The following SLC12A4 variants were observed in gnomAD, a reference collection of about 807,000 sequenced individuals.
SLC12A4 encodes the protein electroneutral potassium-chloride cotransporter 1.
A neutral mutation model predicts 119.2 loss-of-function variants in SLC12A4; 84 were observed. That is an observed-to-expected ratio of 0.70 (90% CI 0.59 to 0.85). SLC12A4 has a LOEUF of 0.85. SLC12A4 is among the 40% of genes least tolerant of loss of function. The pLI, the probability that SLC12A4 is intolerant of heterozygous loss-of-function variation, is 0.00. For missense variants in SLC12A4, 1,298 were observed against 1,476.3 expected (o/e 0.88, Z 1.98); for synonymous variants, 599 against 604.6 (o/e 0.99, Z 0.14).
Position 67,945,408 on chromosome 16 carries a change from T to C in SLC12A4, c.2993A>G (p.His998Arg), listed in dbSNP as rs2058331865. 9 of 1,613,918 alleles carry C rather than the reference T, an allele frequency of 5.6e-6. No homozygotes were observed. The highest frequency in any genetic ancestry group is 2.7e-5 in the African/African-American group (2 of 74,930). Reference sequence around the variant, plus strand: ...CAGCTCCCGGAAATTGTCAGGGGCATGGCTGGGGTCCCAGGTCTCAGTCAT... The same window carrying C: ...CAGCTCCCGGAAATTGTCAGGGGCACGGCTGGGGTCCCAGGTCTCAGTCAT... ...KYMTETWDPS[H>R]APDNFRELVH... Residue 998 changes from histidine (H) to arginine (R), a missense_variant, in exon 22 of 24, where the codon CAT (histidine) becomes CGT (arginine). His to Arg is a conservative substitution (Grantham distance 29, BLOSUM62 0). Coordinates refer to ENST00000316341, the MANE Select transcript of SLC12A4 (RefSeq NM_005072.5).
At chr16:67,966,861 G>C (rs1005399691) in intron 1 of SLC12A4, 3 of 1,537,488 alleles carry the variant, frequency 2.0e-6, no homozygotes, top group East Asian at 2.5e-5. Context: ...CCTAGCTTGC[G>C]GGGATCTAGC....
At chr16:67,961,962 G>A (rs937892488) in intron 2 of SLC12A4, among the ~76,000 whole-genome samples, 1 of 152,208 alleles carries the variant, frequency 6.6e-6, no homozygotes, top group Non-Finnish European at 1.5e-5. Flanking sequence ...CAGCCCATTT[G>A]TGAAAACCAC....
Position 67,950,107 on chromosome 16 carries a change from C to A in SLC12A4, c.1630-189G>T, listed in dbSNP as rs2058396739. ...CAGGCCTCTCTCCTTTGGATGAGCC[C>A]TAAACAGGCCATGAAGATTCTGGGT... is the stretch of plus-strand genomic sequence containing the variant. On this transcript the variant is annotated intron_variant, in intron 12 of 23. Coordinates refer to ENST00000316341, the MANE Select transcript of SLC12A4 (RefSeq NM_005072.5). This position sits in a 1 kb window ranked among gnomAD's most constrained non-coding sequence, Gnocchi z 4.3. 1.5e-6 allele frequency: 1 copy of A among 685,088 alleles called. No homozygotes were observed. The highest frequency in any genetic ancestry group is 1.9e-5 in the South Asian group (1 of 52,988). 42.4% of individuals were successfully genotyped at this position (685,088 alleles called of 1,614,324 possible).
At position 67,950,835 on chromosome 16, in the gene SLC12A4, C is replaced by T. The variant is rs1048040933; in HGVS notation, c.1397-124G>A. 1.4e-6 allele frequency: 2 copies of T among 1,425,596 alleles called. No homozygotes were observed. The allele number at this position is 1,425,596 out of a possible 1,614,324, so 88.3% of individuals were successfully genotyped here. A position where few individuals can be genotyped will look rare whatever the true frequency, so the allele number is the denominator to read the frequency against. On this transcript the variant is annotated intron_variant, in intron 10 of 23. Transcript: ENST00000316341. This position sits in a 1 kb window ranked among gnomAD's most constrained non-coding sequence, Gnocchi z 4.3. Reference sequence around the variant, plus strand: ...CTGGGAGTCTCGTGGTGTGTATGTGCATGTGTGCATGAGAAGGGGAGCTAT... The same window carrying T: ...CTGGGAGTCTCGTGGTGTGTATGTGTATGTGTGCATGAGAAGGGGAGCTAT...
intron 1 of SLC12A4, 68 bp downstream of exon 1, chr16:67,968,371 G>T (rs1378331023): frequency 1.4e-6 from 2 of 1,383,670 alleles, no homozygotes; most frequent in Non-Finnish European, 1.9e-6. Context: ...GCGGGCGCGG[G>T]CCCGGGATGG....
chr16:67,959,164 G>C (rs751665523), intron 3 of SLC12A4, among the ~76,000 whole-genome samples: 7 of 152,294 alleles, frequency 4.6e-5, no homozygotes, highest in Admixed American at 4.6e-4. Context: ...ATCCAGGCAG[G>C]CTTTCTCAAC....
At position 67,944,318 on chromosome 16, in the gene SLC12A4, C is replaced by T. The variant is rs774812621; in HGVS notation, c.*522G>A. ...GGCGCCAGGGGAAACAGAGCCGGGG[C>T]AGCAGGAGGCCCAGAACTACACAAT... On this transcript the variant is annotated 3_prime_UTR_variant, in exon 24 of 24. Transcript: ENST00000316341. This position sits in a 1 kb window ranked among gnomAD's most constrained non-coding sequence, Gnocchi z 6.6. The T allele has an allele frequency of 3.6e-6, 5 of 1,406,130 alleles. No individual in the cohort carries two copies. Among genetic ancestry groups the T allele is most frequent in the Non-Finnish European group, 3.7e-6 (4 of 1,082,022 alleles). 87.1% of individuals were successfully genotyped at this position (1,406,130 alleles called of 1,614,324 possible).
rs964527758 is a variant in SLC12A4, at chr16:67,944,812, G to A, written c.*28C>T. ...CTTGTTATGTCCTGGCCAAGACCTCGACTCCAGGCCACAAGATGACACTGG... is the reference window on the plus strand; with the variant it reads ...CTTGTTATGTCCTGGCCAAGACCTCAACTCCAGGCCACAAGATGACACTGG... On this transcript the variant is annotated 3_prime_UTR_variant, in exon 24 of 24. Transcript: ENST00000316341. This position sits in a 1 kb window ranked among gnomAD's most constrained non-coding sequence, Gnocchi z 6.6. The A allele has an allele frequency of 1.7e-5, 28 of 1,610,432 alleles. No homozygotes were observed. Among genetic ancestry groups the A allele is most frequent in the African/African-American group, 9.4e-5 (7 of 74,852 alleles).
intron 5 of SLC12A4, among the ~76,000 whole-genome samples, chr16:67,955,722 A>C (rs2030221170): frequency 6.6e-6 from 1 of 152,108 alleles, no homozygotes; most frequent in Admixed American, 6.5e-5. Context: ...CTCTACTAAA[A>C]TACAAAATTA....
In SLC12A4 at chr16:67,944,980, C is replaced by T. The variant is rs529528559; in HGVS notation, c.3167-49G>A. 1.5e-5 allele frequency: 24 copies of T among 1,611,820 alleles called. No homozygotes were observed. The highest frequency in any genetic ancestry group is 5.0e-5 in the Admixed American group (3 of 59,962). On this transcript the variant is annotated intron_variant, in intron 23 of 23. Coordinates refer to ENST00000316341, the MANE Select transcript of SLC12A4 (RefSeq NM_005072.5). The surrounding 1 kb of genome is among the most constrained non-coding windows in gnomAD (Gnocchi z 6.6). The stretch of plus-strand genomic sequence containing the variant: ...GCAACAACAGAATCAACGGGCAACC[C>T]GGGCCACCTGGGCCATGCCCACCCA...
chr16:67,947,145 G>C (rs767875438), intron 16 of SLC12A4, 40 bp from the exon 17 acceptor site: 2 of 1,547,952 alleles, frequency 1.3e-6, no homozygotes, highest in Non-Finnish European at 1.7e-6. Flanking sequence ...ACCAGGGCCG[G>C]CCGTTCTAGG....
At chr16:67,947,940 G>T in intron 14 of SLC12A4, 121 bp downstream of exon 14, 1 of 1,463,814 alleles carries the variant, frequency 6.8e-7, no homozygotes, top group Non-Finnish European at 9.5e-7. Flanking sequence ...CCAGTCCCCC[G>T]CAGCCCTATA....
chr16:67,957,410 C>CATTAAAA, intron 5 of SLC12A4: 1 of 260,762 alleles, frequency 3.8e-6, no homozygotes, highest in South Asian at 4.3e-5. Context: ...CCCTTGTGAT[C>CATTAAAA]CACCCACCTC....
chr16:67,946,162 C>A lies in SLC12A4; in HGVS notation c.2607+9G>T. On this transcript the variant is annotated intron_variant, in intron 19 of 23. Coordinates refer to ENST00000316341, the MANE Select transcript of SLC12A4 (RefSeq NM_005072.5). ...AGCCCCTCTCATCTGCACCCACCCCCTGGTCTACCTTATGCTGGCGCAGCA... is the reference window on the plus strand; with the variant it reads ...AGCCCCTCTCATCTGCACCCACCCCATGGTCTACCTTATGCTGGCGCAGCA... The A allele has an allele frequency of 6.2e-7, 1 of 1,613,846 alleles. No individual in the cohort carries two copies. The highest frequency in any genetic ancestry group is 8.5e-7 in the Non-Finnish European group (1 of 1,179,942).
In SLC12A4 at chr16:67,951,697, T is replaced by TG. The variant is rs910678063; in HGVS notation, c.1132+125dup. 3.5e-6 allele frequency: 3 copies of TG among 867,972 alleles called. No homozygotes were observed. Among genetic ancestry groups the TG allele is most frequent in the Non-Finnish European group, 5.3e-6 (3 of 562,356 alleles). The allele number at this position is 867,972 out of a possible 1,614,324, so 53.8% of individuals were successfully genotyped here. A position where few individuals can be genotyped will look rare whatever the true frequency, so the allele number is the denominator to read the frequency against. On this transcript the variant is annotated intron_variant, in intron 8 of 23. Transcript: ENST00000316341. This position sits in a 1 kb window ranked among gnomAD's most constrained non-coding sequence, Gnocchi z 5.2. ...GCCAGGAGCCAGGCTGGGAGGACAC[T>TG]GGGGGGCTGGGAAGGCGGCCAGTCC...
intron 2 of SLC12A4, chr16:67,962,604 G>A (rs1301183769): frequency 6.6e-6 from 1 of 152,272 alleles, no homozygotes; most frequent in African/African-American, 2.4e-5. Context: ...CACTTTGAGA[G>A]GCTGAGCAGG....
intron 3 of SLC12A4, 35 bp downstream of exon 3, chr16:67,961,540 C>G: frequency 6.2e-7 from 1 of 1,606,244 alleles, no homozygotes. Context: ...TCTGTCTTCC[C>G]AGGTGTGGCC....
At position 67,952,542 on chromosome 16, in the gene SLC12A4, G is replaced by A. The variant is rs1043363830; in HGVS notation, c.676-117C>T. 1.4e-5 allele frequency: 16 copies of A among 1,110,902 alleles called. No homozygotes were observed. The Middle Eastern group carries it at 9.1e-4, about 63-fold the overall frequency. The allele number at this position is 1,110,902 out of a possible 1,614,324, so 68.8% of individuals were successfully genotyped here. On this transcript the variant is annotated intron_variant, in intron 6 of 23. Coordinates refer to ENST00000316341, the MANE Select transcript of SLC12A4 (RefSeq NM_005072.5). ...AGGCCGGGCGCAGTGGCTCACGCCTGTAATCCCAGCACTTTGGGAGGCTGA... is the reference window on the plus strand; with the variant it reads ...AGGCCGGGCGCAGTGGCTCACGCCTATAATCCCAGCACTTTGGGAGGCTGA...
chr16:67,950,893 C>T lies in SLC12A4; in HGVS notation c.1396+69G>A. The stretch of plus-strand genomic sequence containing the variant: ...TGTGTGGGGTGTCTGTGCATGTGAC[C>T]TGGCAACGTACACAGGCCAAGCGCT... On this transcript the variant is annotated intron_variant, in intron 10 of 23. Coordinates refer to ENST00000316341, the MANE Select transcript of SLC12A4 (RefSeq NM_005072.5). This position sits in a 1 kb window ranked among gnomAD's most constrained non-coding sequence, Gnocchi z 4.3. 1.3e-6 allele frequency: 2 copies of T among 1,541,488 alleles called. No homozygotes were observed. Among genetic ancestry groups the T allele is most frequent in the Middle Eastern group, 3.4e-4 (2 of 5,926 alleles).
Sources: allele counts gnomAD v4.1 joint callset (sites outside exome capture counted in the v4.1 genomes callset), GRCh38; gene constraint gnomAD v4.1.1; non-coding constraint Gnocchi (gnomAD v3.1); transcripts MANE v1.5; gene names NCBI Gene and HGNC (gene_info 2026-07-23, HGNC 2026-07-21).